Variants in ACSM3 observed in about 807,000 individuals in gnomAD.
ACSM3 encodes the protein acyl-CoA synthetase medium chain family member 3, also known as acyl-coenzyme A synthetase ACSM3, mitochondrial.
Under a neutral mutation model 74.1 loss-of-function variants are expected in ACSM3, and 61 were observed. That is an observed-to-expected ratio of 0.82 (90% confidence interval 0.67 to 1.02). ACSM3 has a LOEUF of 1.02. Among genes scored for constraint, ACSM3 ranks in the 50% least tolerant of loss-of-function variants. ACSM3 has a pLI of 0.00. For synonymous variants in ACSM3, 213 were observed against 241.5 expected, an observed-to-expected ratio of 0.88 and a Z score of 1.09; for missense variants, 660 against 697.0, an observed-to-expected ratio of 0.95 and a Z score of 0.60.
At chr16:20,737,251 C>G (rs371230649) in intron 1 of ACSM3, 5 of 1,613,606 alleles carry the variant, frequency 3.1e-6, no homozygotes, top group Non-Finnish European at 4.2e-6. Context: ...TTGGTGAGAT[C>G]CACTTTATTT....
intron 1 of ACSM3, among the ~76,000 whole-genome samples, chr16:20,723,811 T>C (rs888660826): frequency 2.0e-5 from 3 of 152,164 alleles, no homozygotes; most frequent in African/African-American, 7.2e-5. Context: ...TTGCAAAAAT[T>C]TTCTCCCATT....
chr16:20,779,467 A>C (rs1401580806), intron 4 of ACSM3, among the ~76,000 whole-genome samples: 1 of 151,746 alleles, frequency 6.6e-6, no homozygotes, highest in Non-Finnish European at 1.5e-5. Flanking sequence ...AAGAAAAGAA[A>C]ATAGCTTTTC....
intron 1 of ACSM3, chr16:20,739,127 A>T: frequency 6.5e-7 from 1 of 1,534,704 alleles, no homozygotes; most frequent in South Asian, 1.2e-5. Flanking sequence ...TTTAAACACT[A>T]TAAGTAATTA....
intron 2 of ACSM3, among the ~76,000 whole-genome samples, chr16:20,750,190 C>T (rs757427147): frequency 5.3e-5 from 8 of 152,188 alleles, no homozygotes; most frequent in South Asian, 2.1e-4. Flanking sequence ...TATATCTATC[C>T]CACTTACTCC....
At chr16:20,758,139 G>T (rs1157068861) in intron 3 of ACSM3, among the ~76,000 whole-genome samples, 1 of 152,250 alleles carries the variant, frequency 6.6e-6, no homozygotes, top group Non-Finnish European at 1.5e-5. Context: ...TCAGGATGAT[G>T]TTGGCCTCAT....
At chr16:20,734,018 C>CA (rs1357726029) in intron 1 of ACSM3, 53 of 152,122 alleles carry the variant, frequency 3.5e-4, no homozygotes, top group Admixed American at 3.5e-3. Context: ...AACCTGAAAA[C>CA]AAGTCTTTTA....
At chr16:20,789,564 A>C (rs763107432) in intron 9 of ACSM3, 1 of 1,592,316 alleles carries the variant, frequency 6.3e-7, no homozygotes, top group East Asian at 2.2e-5. Flanking sequence ...ACAGCTAAAC[A>C]AAGTTTGAAA....
intron 1 of ACSM3, among the ~76,000 whole-genome samples, chr16:20,723,871 G>A (rs1186007813): frequency 6.6e-6 from 1 of 152,142 alleles, no homozygotes; most frequent in Non-Finnish European, 1.5e-5. Context: ...CTGTGCAGAA[G>A]CTCTTTAGTT....
chr16:20,705,535 G>A (rs1241470987), intron 1 of ACSM3, among the ~76,000 whole-genome samples: 7 of 152,164 alleles, frequency 4.6e-5, no homozygotes, highest in Non-Finnish European at 1.0e-4. Flanking sequence ...CAAATTTTGT[G>A]TATAAATTCT....
At chr16:20,738,045 G>A (rs1402470625) in intron 1 of ACSM3, 2 of 1,216,020 alleles carry the variant, frequency 1.6e-6, no homozygotes, top group Admixed American at 4.5e-5. Context: ...AATGACATAA[G>A]TTGACAGAAG....
At position 20,777,415 on chromosome 16, in the gene ACSM3, A is replaced by C; in HGVS notation, c.473A>C (p.Asp158Ala). The change falls in exon 4 of 14, where the codon GAC becomes GCC. Residue 158 changes from aspartate (D) to alanine (A), a missense_variant. Asp to Ala is a moderately radical substitution (Grantham distance 126). Transcript: ENST00000289416. The stretch of plus-strand genomic sequence containing the variant: ...GGAACCACTCAGCTGACCCAGAAAG[A>C]CATTCTCTACAGACTACAATCTTCA... The part of the protein sequence containing the change: ...IPGTTQLTQK[D>A]ILYRLQSSKA... 1 of 1,614,102 alleles carries C rather than the reference A, an allele frequency of 6.2e-7. No homozygotes were observed. The highest frequency in any genetic ancestry group is 8.5e-7 in the Non-Finnish European group (1 of 1,179,980).
At chr16:20,785,486 G>C (rs2080451929) in intron 8 of ACSM3, among the ~76,000 whole-genome samples, 1 of 151,988 alleles carries the variant, frequency 6.6e-6, no homozygotes, top group Non-Finnish European at 1.5e-5. Flanking sequence ...GAGTTTGCTG[G>C]ACAACTCCTT....
chr16:20,796,281 C>A, intron 12 of ACSM3, 89 bp from the exon 13 acceptor site: 1 of 1,541,428 alleles, frequency 6.5e-7, no homozygotes, highest in Non-Finnish European at 8.7e-7. Flanking sequence ...CCCCACCAGG[C>A]ATGTAGATTC....
At chr16:20,679,330 G>A (rs1567304650) in intron 1 of ACSM3, 2 of 152,208 alleles carry the variant, frequency 1.3e-5, no homozygotes, top group South Asian at 4.1e-4. Flanking sequence ...TGACCACACT[G>A]GAGGCTGGTC....
At chr16:20,779,590 T>G (rs1038171087) in intron 4 of ACSM3, among the ~76,000 whole-genome samples, 1 of 152,128 alleles carries the variant, frequency 6.6e-6, no homozygotes, top group African/African-American at 2.4e-5. Flanking sequence ...TGCCCTAATG[T>G]GTGACTTGTA....
At position 20,797,532 on chromosome 16, in the gene ACSM3, T is replaced by C. The variant is rs1333997723; in HGVS notation, c.*560T>C. ...GTCTAACTATAAAAGAAGGATCATA[T>C]ACTATTGTTGCTTATTATATGTAAT... is the stretch of plus-strand genomic sequence containing the variant. On this transcript the variant is annotated 3_prime_UTR_variant, in exon 14 of 14. Coordinates refer to ENST00000289416, the MANE Select transcript of ACSM3 (RefSeq NM_005622.4). 2 of 1,204,598 alleles carry C rather than the reference T, an allele frequency of 1.7e-6. No homozygotes were observed. The highest frequency in any genetic ancestry group is 8.1e-5 in the Admixed American group (2 of 24,842). 74.6% of individuals were successfully genotyped at this position (1,204,598 alleles called of 1,614,324 possible). A position where few individuals can be genotyped will look rare whatever the true frequency, so the allele number is the denominator to read the frequency against.
At chr16:20,724,365 T>C (rs2079797230) in intron 1 of ACSM3, among the ~76,000 whole-genome samples, 2 of 152,228 alleles carry the variant, frequency 1.3e-5, no homozygotes, top group Admixed American at 6.5e-5. Context: ...AATTAGGTAT[T>C]GATGGGACAT....
upstream of ACSM3, among the ~76,000 whole-genome samples, chr16:20,759,237 T>C (rs567191308): frequency 1.3e-5 from 2 of 152,254 alleles, no homozygotes; most frequent in East Asian, 3.9e-4. Context: ...ATTTAATCAG[T>C]CAGGCCTGTG....
At chr16:20,683,004 G>A (rs1460656793) in intron 1 of ACSM3, among the ~76,000 whole-genome samples, 1 of 151,924 alleles carries the variant, frequency 6.6e-6, no homozygotes, top group Admixed American at 6.6e-5. Flanking sequence ...TTTCCTTCTG[G>A]ATTCTCATCC....
Sources: allele counts gnomAD v4.1 joint callset (sites outside exome capture counted in the v4.1 genomes callset), GRCh38; gene constraint gnomAD v4.1.1; transcripts MANE v1.5; gene names NCBI Gene and HGNC (gene_info 2026-07-23, HGNC 2026-07-21).